Variants in TSNARE1 observed in about 807,000 individuals in gnomAD.
The protein encoded by TSNARE1 is t-SNARE domain containing 1.
TSNARE1 carries 49 observed loss-of-function variants against 62.0 expected under a neutral mutation model. That is an observed-to-expected ratio of 0.79 (90% CI 0.63 to 1.00). The LOEUF (loss-of-function observed/expected upper bound fraction) is 1.00, where lower values mean the gene tolerates loss of function less well. Among genes scored for constraint, TSNARE1 ranks in the 50% least tolerant of loss-of-function variants. The probability of loss-of-function intolerance (pLI) is 0.00; values close to 1 mark genes in which losing one functional copy is unlikely to be tolerated. For synonymous variants in TSNARE1, 328 were observed against 294.4 expected (o/e 1.11, Z -1.17); for missense variants, 755 against 700.1 (o/e 1.08, Z -0.88).
At chr8:142,239,695 T>A (rs1817595290) in intron 12 of TSNARE1, among the ~76,000 whole-genome samples, 1 of 151,980 alleles carries the variant, frequency 6.6e-6, no homozygotes, top group South Asian at 2.1e-4. Flanking sequence ...AAAACCCGAG[T>A]GGGGCCTGTG....
At chr8:142,356,203 C>G (rs1336556085) in intron 1 of TSNARE1, among the ~76,000 whole-genome samples, 1 of 152,230 alleles carries the variant, frequency 6.6e-6, no homozygotes, top group African/African-American at 2.4e-5. Context: ...ACACCTGCTG[C>G]TGGCGCAGGC....
chr8:142,266,056 T>G (rs1221625710), intron 12 of TSNARE1, among the ~76,000 whole-genome samples: 2 of 152,226 alleles, frequency 1.3e-5, no homozygotes, highest in Non-Finnish European at 2.9e-5. Flanking sequence ...AACAGAAGTT[T>G]CCAATTTTGA....
rs1206690567 is a variant in TSNARE1 at position 142,273,721 on chromosome 8, TC to T, written c.1446+1059del. On this transcript the variant is annotated intron_variant, in intron 12 of 13. Coordinates refer to ENST00000524325, the MANE Select transcript of TSNARE1 (RefSeq NM_145003.5). ...CCACAGTGGGGGTGCCCGGGCTGGG[TC>T]CCACTGGGGAAGCTCAAGGCAGCCC... 4 of 985,222 alleles carry T rather than the reference TC, an allele frequency of 4.1e-6. No individual in the cohort carries two copies. In the African/African-American group the frequency reaches 7.0e-5, roughly 17 times the overall value. The allele number at this position is 985,222 out of a possible 1,614,324, so 61.0% of individuals were successfully genotyped here.
intron 11 of TSNARE1, chr8:142,278,044 C>T: frequency 2.0e-6 from 2 of 985,432 alleles, no homozygotes; most frequent in Non-Finnish European, 2.4e-6. Context: ...TGGATCCAGC[C>T]ATCCCTGGCC....
chr8:142,345,804 C>G lies in TSNARE1; in HGVS notation c.177G>C (p.Lys59Asn). Residue 59 changes from lysine (K) to asparagine (N), a missense_variant, in exon 3 of 14, where the codon AAG becomes AAC. Physicochemically the swap from Lys to Asn is moderately conservative, Grantham distance 94. Transcript: ENST00000524325. ...CTGGCCCCAGATCACCTTCCCCGTCCTTCCCCACACAGCGGTTCTGCAGCT... is the reference window on the plus strand; with the variant it reads ...CTGGCCCCAGATCACCTTCCCCGTCGTTCCCCACACAGCGGTTCTGCAGCT... ...ESKLQNRCVG[K>N]DGEGDLGPAG... The G allele has an allele frequency of 6.2e-7, 1 of 1,613,950 alleles. No individual in the cohort carries two copies. Among genetic ancestry groups the G allele is most frequent in the East Asian group, 2.2e-5 (1 of 44,872 alleles).
rs193183823 is a variant in TSNARE1, at chr8:142,247,243, A to C, written c.1447-17664T>G. Among the ~76,000 whole-genome samples, 523 of 152,222 alleles carry C rather than the reference A, an allele frequency of 3.4e-3. 4 individuals are homozygous for C. Among genetic ancestry groups the C allele is most frequent in the Non-Finnish European group, 5.5e-3 (376 of 68,014 alleles). ...TCAGCCCATGAGAACGGCTGCCTGGACTGAGCCCAGCAAAGCTCTGGGGGC... is the reference window on the plus strand; with the variant it reads ...TCAGCCCATGAGAACGGCTGCCTGGCCTGAGCCCAGCAAAGCTCTGGGGGC... On this transcript the variant is annotated intron_variant, in intron 12 of 13. Coordinates refer to ENST00000524325, the MANE Select transcript of TSNARE1 (RefSeq NM_145003.5).
chr8:142,254,674 T>C (rs914519988), intron 12 of TSNARE1, among the ~76,000 whole-genome samples: 2 of 152,128 alleles, frequency 1.3e-5, no homozygotes, highest in Non-Finnish European at 2.9e-5. Flanking sequence ...AGGCGGGGCA[T>C]CAGAGAGGCC....
chr8:142,357,877 A>G (rs1368898646), intron 1 of TSNARE1, among the ~76,000 whole-genome samples: 1 of 152,244 alleles, frequency 6.6e-6, no homozygotes, highest in Non-Finnish European at 1.5e-5. Flanking sequence ...GGGGGATGTT[A>G]ACCAGAGGCC....
chr8:142,304,675 G>A (rs1022360219), intron 9 of TSNARE1, among the ~76,000 whole-genome samples: 12 of 152,236 alleles, frequency 7.9e-5, no homozygotes, highest in Admixed American at 2.0e-4. Context: ...ACCTCAGCAC[G>A]TCCTAGTGTC....
At chr8:142,376,729 G>A (rs1836372697) in intron 1 of TSNARE1, among the ~76,000 whole-genome samples, 1 of 152,202 alleles carries the variant, frequency 6.6e-6, no homozygotes, top group African/African-American at 2.4e-5. Context: ...AGCCCACCCA[G>A]ACACGGGACT....
At chr8:142,282,419 T>C (rs9801827) in intron 11 of TSNARE1, among the ~76,000 whole-genome samples, 3,892 of 149,488 alleles carry the variant, frequency 0.026, 125 homozygotes, top group Admixed American at 0.083. Flanking sequence ...GGCCAGTGTC[T>C]ATTAATGAGC....
upstream of TSNARE1, chr8:142,406,269 TC>T (rs1239879495): frequency 6.6e-6 from 1 of 152,296 alleles, no homozygotes; most frequent in African/African-American, 2.4e-5. Flanking sequence ...TGGGTCTGCC[TC>T]ATTGGATTTC....
At chr8:142,269,878 A>C in intron 12 of TSNARE1, 3 of 985,440 alleles carry the variant, frequency 3.0e-6, no homozygotes, top group Non-Finnish European at 3.6e-6. Context: ...AGGTTCTTTC[A>C]TAGACAAGTT....
intron 9 of TSNARE1, among the ~76,000 whole-genome samples, chr8:142,301,736 C>T (rs1274440458): frequency 6.6e-6 from 1 of 152,108 alleles, no homozygotes; most frequent in Non-Finnish European, 1.5e-5. Flanking sequence ...AGGTGGCGGC[C>T]TGGCCAGGAC....
At chr8:142,223,092 A>C (rs1816518933) in intron 13 of TSNARE1, among the ~76,000 whole-genome samples, 1 of 144,662 alleles carries the variant, frequency 6.9e-6, no homozygotes, top group Non-Finnish European at 1.5e-5. Context: ...TCACTCATTC[A>C]TCCACTCATT....
At chr8:142,295,547 C>T (rs578002240) in intron 10 of TSNARE1, among the ~76,000 whole-genome samples, 1 of 152,224 alleles carries the variant, frequency 6.6e-6, no homozygotes, top group African/African-American at 2.4e-5. Flanking sequence ...GGCTGCCCTG[C>T]GGCCAGTGAA....
At chr8:142,243,329 T>C (rs1817747549) in intron 12 of TSNARE1, among the ~76,000 whole-genome samples, 1 of 152,160 alleles carries the variant, frequency 6.6e-6, no homozygotes, top group Admixed American at 6.5e-5. Flanking sequence ...CTATTCACAA[T>C]AGCCAGGACG....
chr8:142,353,483 G>A (rs1834368826), intron 2 of TSNARE1, among the ~76,000 whole-genome samples: 1 of 152,172 alleles, frequency 6.6e-6, no homozygotes, highest in African/African-American at 2.4e-5. Context: ...GCTAAGTGGT[G>A]ATGGCAAGAT....
chr8:142,377,142 T>C (rs931492843), intron 1 of TSNARE1, among the ~76,000 whole-genome samples: 2 of 152,162 alleles, frequency 1.3e-5, no homozygotes, highest in African/African-American at 4.8e-5. Context: ...ACACTCCTCA[T>C]CCAGCAGCCC....
Sources: gnomAD v4.1 joint callset for allele counts (sites outside exome capture counted in the v4.1 genomes callset) on GRCh38, gnomAD v4.1.1 for gene constraint, MANE v1.5 for transcripts, NCBI Gene and HGNC (gene_info 2026-07-23, HGNC 2026-07-21) for gene names.